The following HIP1R variants were observed in gnomAD, a reference collection of about 807,000 sequenced individuals.
The protein encoded by HIP1R is huntingtin-interacting protein 1-related protein.
Under a neutral mutation model 144.2 loss-of-function variants are expected in HIP1R, and 135 were observed. The observed-to-expected ratio is 0.94, with a 90% CI of 0.81 to 1.08. The LOEUF (loss-of-function observed/expected upper bound fraction) is 1.08. Among genes scored for constraint, HIP1R ranks in the 50% least tolerant of loss-of-function variants. The probability of loss-of-function intolerance (pLI) is 0.00; values close to 1 mark genes in which losing one functional copy is unlikely to be tolerated. For synonymous variants in HIP1R, 698 were observed against 612.8 expected, an observed-to-expected ratio of 1.14 and a Z score of -2.05; for missense variants, 1,462 against 1,432.8, an observed-to-expected ratio of 1.02 and a Z score of -0.33.
chr12:122,862,734 G>GT lies in HIP1R; in HGVS notation c.*982dup, dbSNP rs758946326. ...GAGCCCAAGGAGAGCGGCAGGAGGG[G>GT]TGGGACCAGGCTGGGAGGACAGAGC... On this transcript the variant is annotated 3_prime_UTR_variant, in exon 32 of 32. Transcript: ENST00000253083. 7.2e-5 allele frequency: 11 copies of GT among 152,036 alleles called. No homozygotes were observed. The highest frequency in any genetic ancestry group is 1.6e-4 in the Non-Finnish European group (11 of 67,988). 9.4% of individuals were successfully genotyped at this position (152,036 alleles called of 1,614,324 possible). A position where few individuals can be genotyped will look rare whatever the true frequency, so the allele number is the denominator to read the frequency against.
upstream of HIP1R, chr12:122,834,897 T>C (rs570055350): frequency 1.6e-6 from 2 of 1,221,706 alleles, no homozygotes; most frequent in African/African-American, 3.1e-5. Context: ...GACACATACA[T>C]TAAGACCAAA....
Position 122,861,033 on chromosome 12 carries a change from G to A in HIP1R, c.2884G>A (p.Asp962Asn), listed in dbSNP as rs771273680. Reference sequence around the variant, plus strand: ...CAAGTCAGGCCAGGAGCAGATTGAGGACAGAGGTGAGTGCCAGATGCCAAC... The same window carrying A: ...CAAGTCAGGCCAGGAGCAGATTGAGAACAGAGGTGAGTGCCAGATGCCAAC... ...STKSGQEQIE[D>N]RDTMDFSGLS... Residue 962 changes from aspartate (D) to asparagine (N), a missense_variant, in exon 29 of 32, where the codon GAC (aspartate) becomes AAC (asparagine). Physicochemically the swap from Asp to Asn is conservative, Grantham distance 23. Around this residue, in one of 2 missense-constraint regions of HIP1R, gnomAD observed 1,112 missense variants for 1,011.7 expected, o/e 1.10. Transcript: ENST00000253083. 9.3e-6 allele frequency: 15 copies of A among 1,613,592 alleles called. No homozygotes were observed. The East Asian group carries it at 2.9e-4, about 31-fold the overall frequency.
chr12:122,861,076 GA>G (rs2033755253), intron 29 of HIP1R, 37 bp downstream of exon 29: 6 of 1,613,578 alleles, frequency 3.7e-6, no homozygotes, highest in Non-Finnish European at 5.1e-6. Flanking sequence ...GCTGGCTCCC[GA>G]GGCTGAATGG....
chr12:122,858,985 T>C, intron 21 of HIP1R, 40 bp downstream of exon 21: 1 of 1,611,068 alleles, frequency 6.2e-7, no homozygotes, highest in Non-Finnish European at 8.5e-7. Flanking sequence ...TCCACCTCAC[T>C]GGCTTGTCTC....
chr12:122,852,233 C>G (rs1012437520), intron 7 of HIP1R, among the ~76,000 whole-genome samples: 1 of 152,196 alleles, frequency 6.6e-6, no homozygotes, highest in East Asian at 1.9e-4. Context: ...GCTGGGCGAG[C>G]CTGATGGGTA....
In HIP1R at chr12:122,857,214, G is replaced by A. The variant is rs1324882206; in HGVS notation, c.1814G>A (p.Arg605Lys). The part of the protein sequence containing the change: ...QGELQGRLAE[R>K]ESQEQGLRQR... ...GAGTTGCAGGGCCGGCTGGCAGAGA[G>A]GGTATGGCCTCCCCAGATGCAGCAG... Residue 605 changes from arginine to lysine, a missense_variant and splice_region_variant, in exon 18 of 32, where the codon AGG becomes AAG. Physicochemically the swap from Arg to Lys is conservative, Grantham distance 26. Coordinates refer to ENST00000253083, the MANE Select transcript of HIP1R (RefSeq NM_003959.3). The A allele has an allele frequency of 1.3e-6, 2 of 1,550,320 alleles. No individual in the cohort carries two copies. The highest frequency in any genetic ancestry group is 4.9e-5 in the East Asian group (2 of 40,924).
intron 20 of HIP1R, 49 bp downstream of exon 20, chr12:122,858,484 AGCGCCCATGGCC>A: frequency 6.9e-7 from 1 of 1,449,424 alleles, no homozygotes; most frequent in Non-Finnish European, 9.4e-7. Context: ...TCCCAGTTCC[AGCGCCCATGGCC>A]ACCTCTTGCC....
At chr12:122,860,869 G>T in intron 28 of HIP1R, 47 bp from the exon 29 acceptor site, 1 of 1,598,406 alleles carries the variant, frequency 6.3e-7, no homozygotes, top group Non-Finnish European at 8.5e-7. Context: ...GCCTGCTGCT[G>T]CCCTGAGCTG....
Position 122,856,245 on chromosome 12 carries a change from C to G in HIP1R, c.1313-11C>G, listed in dbSNP as rs776555180. On this transcript the variant is annotated splice_polypyrimidine_tract_variant and intron_variant, in intron 14 of 31. Coordinates refer to ENST00000253083, the MANE Select transcript of HIP1R (RefSeq NM_003959.3). ...CACACGGGGCATCACTGCCCCTCCT[C>G]TCGCCCCCAGGGAAGGCCAGTGCCA... 1 of 1,613,448 alleles carries G rather than the reference C, an allele frequency of 6.2e-7. No individual in the cohort carries two copies. The highest frequency in any genetic ancestry group is 8.5e-7 in the Non-Finnish European group (1 of 1,179,926).
rs1566098517 is a variant in HIP1R, at chr12:122,836,131, CT to C, written c.93+489del. Among the ~76,000 whole-genome samples the C allele has an allele frequency of 2.0e-5, 3 of 152,146 alleles. No individual in the cohort carries two copies. The highest frequency in any genetic ancestry group is 7.2e-5 in the African/African-American group (3 of 41,462). On this transcript the variant is annotated intron_variant, in intron 1 of 31. Coordinates refer to ENST00000253083, the MANE Select transcript of HIP1R (RefSeq NM_003959.3). The surrounding 1 kb of genome is among the most constrained non-coding windows in gnomAD (Gnocchi z 4.1). ...GGCTCCTGCCCCCGTCTCCTACCCC[CT>C]GAAACCGATGCCCCCACGGGCAATT...
chr12:122,850,198 T>C (rs1301521551), intron 5 of HIP1R: 12 of 645,654 alleles, frequency 1.9e-5, no homozygotes, highest in Admixed American at 1.5e-4. Flanking sequence ...TCTGTGGACA[T>C]GAGCGCTGGG....
rs2033257465 is a variant in HIP1R, at chr12:122,847,912, G to A, written c.94-119G>A. On this transcript the variant is annotated intron_variant, in intron 1 of 31. Coordinates refer to ENST00000253083, the MANE Select transcript of HIP1R (RefSeq NM_003959.3). Reference sequence around the variant, plus strand: ...TGAGGGGATTCCTGTCTCCCCCATCGCTCCACTGGCCTTGAACCCAGGCAG... The same window carrying A: ...TGAGGGGATTCCTGTCTCCCCCATCACTCCACTGGCCTTGAACCCAGGCAG... 9.8e-6 allele frequency: 8 copies of A among 817,368 alleles called. No individual in the cohort carries two copies. The East Asian group carries it at 1.9e-4, about 19-fold the overall frequency. The allele number at this position is 817,368 out of a possible 1,614,324, so 50.6% of individuals were successfully genotyped here.
intron 1 of HIP1R, among the ~76,000 whole-genome samples, chr12:122,843,000 A>T (rs1047126730): frequency 6.6e-6 from 1 of 152,194 alleles, no homozygotes; most frequent in East Asian, 1.9e-4. Context: ...CCTCGCCCCA[A>T]GGGATGGGGG....
At chr12:122,834,781 G>C (rs1286845262), upstream of HIP1R, 5 of 408,790 alleles carry the variant, frequency 1.2e-5, no homozygotes. Flanking sequence ...GTCCGGTTGC[G>C]GAGCCGGCGG....
chr12:122,835,637 G>C lies in HIP1R; in HGVS notation c.87G>C (p.Lys29Asn). The C allele has an allele frequency of 8.2e-7, 1 of 1,226,366 alleles. No individual in the cohort carries two copies. Among genetic ancestry groups the C allele is most frequent in the Non-Finnish European group, 1.0e-6 (1 of 982,194 alleles). 76.0% of individuals were successfully genotyped at this position (1,226,366 alleles called of 1,614,324 possible). Residue 29 changes from lysine to asparagine, a missense_variant, in exon 1 of 32, where the codon AAG (lysine) becomes AAC (asparagine). By Grantham distance (94) the Lys-to-Asn change is moderately conservative. Around this residue, in one of 2 missense-constraint regions of HIP1R, gnomAD observed 350 missense variants for 421.1 expected, o/e 0.83. Coordinates refer to ENST00000253083, the MANE Select transcript of HIP1R (RefSeq NM_003959.3). ...AGGCCGAGCGCGAGCAGTTCGACAA[G>C]ACCCAGGCGAGCGGGCGGCGGGCGG... ...SLEAEREQFDKTQAISISKAI... is the reference protein window; with the variant it reads ...SLEAEREQFDNTQAISISKAI...
Position 122,848,783 on chromosome 12 carries a change from C to G in HIP1R, c.301-13C>G. 1 of 1,613,160 alleles carries G rather than the reference C, an allele frequency of 6.2e-7. No homozygotes were observed. The highest frequency in any genetic ancestry group is 8.5e-7 in the Non-Finnish European group (1 of 1,179,944). ...CTGGACACTCCCCCACTCCCGTATTCCCTGCGCTGCAGGTGCTGCATGACT... is the reference window on the plus strand; with the variant it reads ...CTGGACACTCCCCCACTCCCGTATTGCCTGCGCTGCAGGTGCTGCATGACT... On this transcript the variant is annotated splice_polypyrimidine_tract_variant and intron_variant, in intron 3 of 31. Transcript: ENST00000253083.
intron 7 of HIP1R, among the ~76,000 whole-genome samples, chr12:122,851,718 C>T (rs1051617840): frequency 4.0e-5 from 6 of 151,636 alleles, no homozygotes; most frequent in Non-Finnish European, 7.4e-5. Flanking sequence ...TGCCCCTGCC[C>T]CTCCTGGGGT....
At chr12:122,837,434 T>G (rs1566099356) in intron 1 of HIP1R, among the ~76,000 whole-genome samples, 1 of 152,030 alleles carries the variant, frequency 6.6e-6, no homozygotes, top group Non-Finnish European at 1.5e-5. Flanking sequence ...TTCTCCTGCC[T>G]CAGCCTCCCA....
intron 8 of HIP1R, 108 bp from the exon 9 acceptor site, chr12:122,854,797 A>G (rs2292136): frequency 0.86 from 1,040,166 of 1,203,012 alleles, 451,807 homozygotes; most frequent in Admixed American, 0.92. Flanking sequence ...GCCCGGTCTC[A>G]GGTGATCTCT....
Sources: gnomAD v4.1 joint callset for allele counts (sites outside exome capture counted in the v4.1 genomes callset) on GRCh38, gnomAD v4.1.1 for gene constraint, gnomAD v4.1.1 regional missense constraint, Gnocchi (gnomAD v3.1) non-coding constraint, MANE v1.5 for transcripts, NCBI Gene and HGNC (gene_info 2026-07-23, HGNC 2026-07-21) for gene names.